Variants in CCNY observed in about 807,000 individuals in gnomAD.
CCNY encodes the protein cyclin-Y.
In CCNY, 19 loss-of-function variants were observed where a neutral mutation model predicts 42.8. The ratio of observed to expected loss-of-function variants is 0.44; its 90% confidence interval spans 0.31 to 0.65. The LOEUF is 0.65. Among genes scored for constraint, CCNY ranks in the 30% least tolerant of loss-of-function variants. The pLI is 0.07. For missense variants in CCNY, 370 were observed against 437.3 expected, an observed-to-expected ratio of 0.85 and a Z score of 1.37; for synonymous variants, 165 against 162.7, an observed-to-expected ratio of 1.01 and a Z score of -0.11.
chr10:35,519,100 G>A (rs1415037954), intron 4 of CCNY, among the ~76,000 whole-genome samples: 1 of 151,526 alleles, frequency 6.6e-6, no homozygotes, highest in Non-Finnish European at 1.5e-5. Flanking sequence ...ATCTGGCTGA[G>A]GTATGCTGTG....
intron 3 of CCNY, among the ~76,000 whole-genome samples, chr10:35,270,707 A>G (rs975998597): frequency 4.8e-5 from 7 of 145,830 alleles, no homozygotes; most frequent in African/African-American, 1.8e-4. Context: ...ATTCTTAGAC[A>G]TGGTCAGTTC....
intron 7 of CCNY, among the ~76,000 whole-genome samples, chr10:35,534,725 C>T (rs979280793): frequency 2.6e-5 from 4 of 152,014 alleles, no homozygotes; most frequent in African/African-American, 9.7e-5. Context: ...AAACCCCTTA[C>T]CCTTTGGCAT....
intron 1 of CCNY, among the ~76,000 whole-genome samples, chr10:35,403,240 T>C (rs972431608): frequency 6.6e-6 from 1 of 151,824 alleles, no homozygotes; most frequent in African/African-American, 2.4e-5. Context: ...AAATGAGAGG[T>C]TCTAAGAGAC....
intron 3 of CCNY, among the ~76,000 whole-genome samples, chr10:35,503,497 T>C (rs992257291): frequency 6.6e-6 from 1 of 152,106 alleles, no homozygotes; most frequent in Non-Finnish European, 1.5e-5. Flanking sequence ...AGCTGAAATA[T>C]CATTTGAGTG....
intron 1 of CCNY, among the ~76,000 whole-genome samples, chr10:35,439,420 C>T (rs995805499): frequency 1.3e-5 from 2 of 152,072 alleles, no homozygotes; most frequent in African/African-American, 4.8e-5. Context: ...GAGCTTTTTA[C>T]TTCTGTTGTT....
intron 1 of CCNY, among the ~76,000 whole-genome samples, chr10:35,370,994 C>T (rs1836924082): frequency 1.3e-5 from 2 of 152,196 alleles, no homozygotes; most frequent in South Asian, 4.1e-4. Flanking sequence ...GGATTAGAGG[C>T]GTGAGCCACT....
At chr10:35,560,242 T>G (rs1471127667) in intron 8 of CCNY, among the ~76,000 whole-genome samples, 1 of 152,174 alleles carries the variant, frequency 6.6e-6, no homozygotes, top group Non-Finnish European at 1.5e-5. Flanking sequence ...GCATGTAAGA[T>G]GGACATGAAT....
intron 1 of CCNY, among the ~76,000 whole-genome samples, chr10:35,480,943 GT>G (rs1438785851): frequency 6.6e-6 from 1 of 152,178 alleles, no homozygotes; most frequent in East Asian, 1.9e-4. Context: ...TCCAGCCTGG[GT>G]GACAGCGCAA....
intron 3 of CCNY, among the ~76,000 whole-genome samples, chr10:35,508,992 T>C (rs1380450889): frequency 2.0e-5 from 3 of 152,234 alleles, no homozygotes; most frequent in East Asian, 3.8e-4. Context: ...ATATAATACA[T>C]GGCCTTTTGT....
intron 3 of CCNY, among the ~76,000 whole-genome samples, chr10:35,305,169 C>T (rs1279656813): frequency 6.6e-6 from 1 of 152,154 alleles, no homozygotes; most frequent in Non-Finnish European, 1.5e-5. Context: ...GACATTTATC[C>T]TTTACGTAAC....
chr10:35,393,570 G>T (rs1330879775), intron 1 of CCNY, among the ~76,000 whole-genome samples: 1 of 152,190 alleles, frequency 6.6e-6, no homozygotes, highest in Non-Finnish European at 1.5e-5. Flanking sequence ...CCCTCCTGCA[G>T]CTCGTTTTGC....
intron 1 of CCNY, among the ~76,000 whole-genome samples, chr10:35,397,928 A>G (rs1837559406): frequency 6.6e-6 from 1 of 152,150 alleles, no homozygotes; most frequent in Non-Finnish European, 1.5e-5. Context: ...GGTGCAATAT[A>G]GGCAGGACTT....
At chr10:35,532,466 C>T (rs1203323930) in intron 7 of CCNY, among the ~76,000 whole-genome samples, 1 of 152,224 alleles carries the variant, frequency 6.6e-6, no homozygotes, top group Non-Finnish European at 1.5e-5. Flanking sequence ...CTTCAAACAC[C>T]CAAACCTACT....
At chr10:35,426,223 A>C (rs1838269552) in intron 1 of CCNY, among the ~76,000 whole-genome samples, 1 of 150,450 alleles carries the variant, frequency 6.6e-6, no homozygotes, top group African/African-American at 2.5e-5. Flanking sequence ...ATTCACAAGC[A>C]TACATGCCCA....
At chr10:35,382,913 A>G (rs768369120) in intron 1 of CCNY, among the ~76,000 whole-genome samples, 4 of 152,230 alleles carry the variant, frequency 2.6e-5, no homozygotes, top group African/African-American at 9.7e-5. Context: ...TGCTGCTGTG[A>G]TATACTCATG....
chr10:35,323,203 A>G (rs1307741704), intron 3 of CCNY, among the ~76,000 whole-genome samples: 1 of 152,214 alleles, frequency 6.6e-6, no homozygotes, highest in Non-Finnish European at 1.5e-5. Context: ...TGCTAAGATT[A>G]CAGGCATGAG....
chr10:35,381,403 T>C (rs1837180662), intron 1 of CCNY, among the ~76,000 whole-genome samples: 1 of 151,736 alleles, frequency 6.6e-6, no homozygotes, highest in South Asian at 2.1e-4. Flanking sequence ...CTACTAAAAA[T>C]ACAAAAAATT....
chr10:35,451,257 C>T (rs902990193), intron 1 of CCNY, among the ~76,000 whole-genome samples: 8 of 152,124 alleles, frequency 5.3e-5, no homozygotes, highest in African/African-American at 1.9e-4. Flanking sequence ...AGTTAAGAGT[C>T]AGAGAAGGAA....
rs35490407 is a variant in CCNY, at chr10:35,267,311, G to GA, written c.-9+16700dup. 5.9e-3 allele frequency among the ~76,000 whole-genome samples: 776 copies of GA among 132,304 alleles called. 5 individuals are homozygous for GA. The highest frequency in any genetic ancestry group is 0.026 in the East Asian group (119 of 4,574). 86.8% of individuals were successfully genotyped at this position (132,304 alleles called of 152,430 possible). On this transcript the variant is annotated intron_variant, in intron 3 of 11. Coordinates refer to the CCNY transcript ENST00000374706. The stretch of plus-strand genomic sequence containing the variant: ...CAACAGAGAGAGATCCCATCACTTA[G>GA]AAAAAAAAAAAAAAAGAGGATAATT...
Sources: gnomAD v4.1 joint callset for allele counts (sites outside exome capture counted in the v4.1 genomes callset) on GRCh38, gnomAD v4.1.1 for gene constraint, MANE v1.5 for transcripts, NCBI Gene and HGNC (gene_info 2026-07-23, HGNC 2026-07-21) for gene names.